The following MDGA2 variants were observed in gnomAD, a reference collection of about 807,000 sequenced individuals.
The protein encoded by MDGA2 is MAM domain containing glycosylphosphatidylinositol anchor 2, also known as MAM domain-containing glycosylphosphatidylinositol anchor protein 2.
In MDGA2, 40 loss-of-function variants were observed where a neutral mutation model predicts 117.8. The ratio of observed to expected loss-of-function variants is 0.34; its 90% CI spans 0.26 to 0.44. The LOEUF (loss-of-function observed/expected upper bound fraction) is 0.44, where lower values mean the gene tolerates loss of function less well. Among genes scored for constraint, MDGA2 ranks in the 20% least tolerant of loss-of-function variants. The pLI, the probability that MDGA2 is intolerant of heterozygous loss-of-function variation, is 1.00. For synonymous variants in MDGA2, 452 were observed against 439.0 expected (o/e 1.03, Z -0.37); for missense variants, 1,123 against 1,250.6 (o/e 0.90, Z 1.54).
intron 1 of MDGA2, among the ~76,000 whole-genome samples, chr14:47,390,811 C>T (rs1450260860): frequency 2.0e-5 from 3 of 152,130 alleles, no homozygotes; most frequent in Admixed American, 6.6e-5. Context: ...ACATCTGCTC[C>T]TGGTTTCCGG....
chr14:47,387,622 T>A (rs1244435228), intron 1 of MDGA2, among the ~76,000 whole-genome samples: 4 of 152,194 alleles, frequency 2.6e-5, no homozygotes. Context: ...TCAACCAAGA[T>A]ACTCAATTGT....
chr14:47,441,133 A>AT lies in MDGA2; in HGVS notation c.281-139584dup, dbSNP rs146360803. On this transcript the variant is annotated intron_variant, in intron 1 of 16. Transcript: ENST00000399232. The stretch of plus-strand genomic sequence containing the variant: ...AGACCGATGAACTCTGAGCTGAGTG[A>AT]TCAGGCAAAGTAGCAGAGCCAAGAA... Among the ~76,000 whole-genome samples the AT allele has an allele frequency of 8.5e-4, 130 of 152,282 alleles. 2 individuals are homozygous for AT. The East Asian group carries it at 0.016, about 19-fold the overall frequency.
intron 3 of MDGA2, among the ~76,000 whole-genome samples, chr14:47,157,040 C>CA (rs1222827086): frequency 6.6e-6 from 1 of 152,090 alleles, no homozygotes; most frequent in Non-Finnish European, 1.5e-5. Flanking sequence ...TGTTAGACAT[C>CA]AATAATTAAG....
chr14:47,412,060 G>C (rs78282467), intron 1 of MDGA2, among the ~76,000 whole-genome samples: 2,031 of 152,160 alleles, frequency 0.013, 49 homozygotes, highest in African/African-American at 0.046. Context: ...ATTTAGTTTG[G>C]TAATATTTTT....
chr14:47,041,144 C>T (rs1222187096), intron 7 of MDGA2, among the ~76,000 whole-genome samples: 2 of 152,046 alleles, frequency 1.3e-5, no homozygotes, highest in Admixed American at 1.3e-4. Flanking sequence ...TTAGAATATA[C>T]TTCTGATGCA....
chr14:47,200,111 T>A (rs542018130), intron 3 of MDGA2, among the ~76,000 whole-genome samples: 19 of 152,156 alleles, frequency 1.2e-4, no homozygotes, highest in African/African-American at 4.1e-4. Context: ...TATATTTATA[T>A]ATTTACTTGT....
At chr14:47,329,210 G>A (rs1049047573) in intron 1 of MDGA2, among the ~76,000 whole-genome samples, 24 of 152,140 alleles carry the variant, frequency 1.6e-4, no homozygotes, top group Non-Finnish European at 2.4e-4. Flanking sequence ...GAGATTACAC[G>A]TGTGAGCCAT....
At chr14:47,170,614 T>A (rs1318955569) in intron 3 of MDGA2, among the ~76,000 whole-genome samples, 1 of 152,170 alleles carries the variant, frequency 6.6e-6, no homozygotes, top group Non-Finnish European at 1.5e-5. Context: ...ACTATGAACA[T>A]TTTGTTTAGG....
At chr14:47,560,632 G>C (rs1285087618) in intron 1 of MDGA2, among the ~76,000 whole-genome samples, 1 of 151,994 alleles carries the variant, frequency 6.6e-6, no homozygotes, top group Non-Finnish European at 1.5e-5. Flanking sequence ...TGCACAGTTT[G>C]CAAATATTTT....
intron 1 of MDGA2, among the ~76,000 whole-genome samples, chr14:47,505,231 G>C (rs1894486423): frequency 6.6e-6 from 1 of 152,064 alleles, no homozygotes; most frequent in African/African-American, 2.4e-5. Flanking sequence ...GATGGAGAAA[G>C]GTTGGTCAAC....
intron 3 of MDGA2, among the ~76,000 whole-genome samples, chr14:47,178,877 G>A (rs1333497734): frequency 6.6e-6 from 1 of 152,082 alleles, no homozygotes; most frequent in Non-Finnish European, 1.5e-5. Context: ...AGAGGGAACA[G>A]TATACTGTTG....
At chr14:47,197,242 G>T (rs1273473312) in intron 3 of MDGA2, among the ~76,000 whole-genome samples, 1 of 152,066 alleles carries the variant, frequency 6.6e-6, no homozygotes, top group Non-Finnish European at 1.5e-5. Flanking sequence ...TCTCAACCCC[G>T]AATGATATGG....
intron 8 of MDGA2, among the ~76,000 whole-genome samples, chr14:47,020,544 T>C (rs935621332): frequency 6.6e-6 from 1 of 152,120 alleles, no homozygotes; most frequent in African/African-American, 2.4e-5. Flanking sequence ...CCTAAAAGTA[T>C]GTATGAATGT....
In MDGA2 at chr14:47,098,254, C is replaced by T. The variant is rs533643065; in HGVS notation, c.926-1131G>A. ...ACTTGTGAAGTTCAAAACTGTCTGC[C>T]GTGTTTGAAAAAAAAAAAAAAAAAA... On this transcript the variant is annotated intron_variant, in intron 5 of 16. Transcript: ENST00000399232. 9.6e-5 allele frequency among the ~76,000 whole-genome samples: 11 copies of T among 114,130 alleles called. No homozygotes were observed. The South Asian group carries it at 1.1e-3, about 12-fold the overall frequency. The allele number at this position is 114,130 out of a possible 152,430, so 74.9% of individuals were successfully genotyped here. A position where few individuals can be genotyped will look rare whatever the true frequency, so the allele number is the denominator to read the frequency against.
chr14:47,324,684 T>C (rs1443940546), intron 1 of MDGA2, among the ~76,000 whole-genome samples: 1 of 152,198 alleles, frequency 6.6e-6, no homozygotes, highest in Non-Finnish European at 1.5e-5. Flanking sequence ...TATGTGTTAA[T>C]AGTTCAGGTT....
intron 1 of MDGA2, among the ~76,000 whole-genome samples, chr14:47,488,614 A>C (rs1240025882): frequency 1.3e-5 from 2 of 152,138 alleles, no homozygotes; most frequent in Non-Finnish European, 2.9e-5. Flanking sequence ...AACACCTCAT[A>C]AATGCAAATA....
At chr14:47,466,124 C>T (rs1032230444) in intron 1 of MDGA2, among the ~76,000 whole-genome samples, 8 of 151,942 alleles carry the variant, frequency 5.3e-5, no homozygotes, top group African/African-American at 1.9e-4. Context: ...ATTATGAGAT[C>T]TTATAAGCAC....
intron 1 of MDGA2, among the ~76,000 whole-genome samples, chr14:47,406,581 A>G (rs1892266192): frequency 6.6e-6 from 1 of 152,022 alleles, no homozygotes; most frequent in African/African-American, 2.4e-5. Context: ...TCTAGGGATA[A>G]ATCAGAAAGA....
rs1882278506 is a variant in MDGA2 at position 46,877,451 on chromosome 14, T to C, written c.2437+38A>G. 2.6e-6 allele frequency: 3 copies of C among 1,152,594 alleles called. No homozygotes were observed. The East Asian group carries it at 7.9e-5, about 30-fold the overall frequency. The allele number at this position is 1,152,594 out of a possible 1,614,324, so 71.4% of individuals were successfully genotyped here. A position where few individuals can be genotyped will look rare whatever the true frequency, so the allele number is the denominator to read the frequency against. On this transcript the variant is annotated intron_variant, in intron 12 of 16. Transcript: ENST00000399232. ...ATAAACATTATATTTTTGTATTTAT[T>C]AAATATAGTGCCATTTTGTAAGTTA...
Sources: allele counts gnomAD v4.1 joint callset (sites outside exome capture counted in the v4.1 genomes callset), GRCh38; gene constraint gnomAD v4.1.1; transcripts MANE v1.5; gene names NCBI Gene and HGNC (gene_info 2026-07-23, HGNC 2026-07-21).